The following BRWD3 variants were observed in gnomAD, a reference collection of about 807,000 sequenced individuals.
BRWD3 encodes the protein bromodomain and WD repeat-containing protein 3.
BRWD3 carries 10 observed loss-of-function variants against 149.7 expected under a neutral mutation model. The observed-to-expected ratio is 0.07, with a 90% CI of 0.04 to 0.11. The LOEUF is 0.11. Ranked by LOEUF, BRWD3 falls within the 10% of genes least tolerant of loss-of-function variation. The probability of loss-of-function intolerance (pLI) is 1.00; values close to 1 mark genes in which losing one functional copy is unlikely to be tolerated. For synonymous variants in BRWD3, 504 were observed against 456.7 expected, an observed-to-expected ratio of 1.10 and a Z score of -1.32; for missense variants, 940 against 1,373.2, an observed-to-expected ratio of 0.68 and a Z score of 4.99.
chrX:80,771,281 C>T (rs192767734), intron 6 of BRWD3, among the ~76,000 whole-genome samples: 11 of 111,495 alleles, frequency 9.9e-5, no homozygotes, highest in Middle Eastern at 9.3e-3. Flanking sequence ...AAAAAAGAGC[C>T]CGCAATGCCA....
intron 2 of BRWD3, 69 bp downstream of exon 2, chrX:80,809,177 C>A: frequency 2.6e-6 from 3 of 1,148,214 alleles, no homozygotes; most frequent in East Asian, 6.2e-5. Flanking sequence ...CGGAACTGCT[C>A]GTCCCGCTGC....
intron 4 of BRWD3, among the ~76,000 whole-genome samples, chrX:80,806,855 A>C (rs1461205012): frequency 8.9e-6 from 1 of 112,652 alleles, no homozygotes; most frequent in Non-Finnish European, 1.9e-5. Context: ...CAATATGAGG[A>C]AAAGTCTAGT....
At chrX:80,741,849 A>G (rs1450805927) in intron 8 of BRWD3, among the ~76,000 whole-genome samples, 1 of 111,726 alleles carries the variant, frequency 9.0e-6, no homozygotes, top group East Asian at 2.8e-4. Flanking sequence ...ACTTTCTCCC[A>G]TTCTGTAGGT....
chrX:80,766,256 C>T (rs896006261), intron 6 of BRWD3, among the ~76,000 whole-genome samples: 5 of 111,326 alleles, frequency 4.5e-5, no homozygotes, highest in African/African-American at 1.3e-4. Context: ...GGAACTTACA[C>T]CATCAGCTTT....
Position 80,743,992 on chromosome X carries a change from T to C in BRWD3, c.813+40A>G, listed in dbSNP as rs762533670. On this transcript the variant is annotated intron_variant, in intron 8 of 40. Transcript: ENST00000373275. ...CATGAAATCAGAGAATTCTCACCTT[T>C]TTTACATATGTTCAAGCTAAATTTT... 6 of 1,078,777 alleles carry C rather than the reference T, an allele frequency of 5.6e-6. No individual in the cohort carries two copies. In the South Asian group the frequency reaches 1.1e-4, roughly 20 times the overall value. 88.9% of individuals were successfully genotyped at this position (1,078,777 alleles called of 1,213,427 possible).
intron 39 of BRWD3, among the ~76,000 whole-genome samples, chrX:80,681,787 T>G (rs2072451647): frequency 9.0e-6 from 1 of 111,648 alleles, no homozygotes; most frequent in Non-Finnish European, 1.9e-5. Context: ...ACTAAGAGAC[T>G]TTTCATGTAG....
intron 12 of BRWD3, among the ~76,000 whole-genome samples, chrX:80,732,140 G>A (rs1428141142): frequency 9.0e-6 from 1 of 111,295 alleles, no homozygotes; most frequent in East Asian, 2.8e-4. Context: ...TAAATGAACT[G>A]TGTTTAGACT....
Position 80,671,318 on chromosome X carries a change from G to GTT in BRWD3, c.*5290_*5291insAA, listed in dbSNP as rs2072321421. 8.9e-6 allele frequency: 1 copy of GTT among 111,861 alleles called. No homozygotes were observed. The allele number at this position is 111,861 out of a possible 1,213,427, so 9.2% of individuals were successfully genotyped here. On this transcript the variant is annotated 3_prime_UTR_variant, in exon 41 of 41. Transcript: ENST00000373275. ...AAGTGACCCAAAGAATATTTGCAAT[G>GTT]TCTAAGATGAAAACAAAAAACAAAA...
chrX:80,682,765 A>AATT, intron 37 of BRWD3, 137 bp from the exon 38 acceptor site: 1 of 562,703 alleles, frequency 1.8e-6, no homozygotes. Context: ...CAAATAACTA[A>AATT]AGTAAGATAC....
chrX:80,684,268 GCTTTT>G, intron 36 of BRWD3, 106 bp from the exon 37 acceptor site: 1 of 719,531 alleles, frequency 1.4e-6, no homozygotes, highest in Non-Finnish European at 2.1e-6. Context: ...TAAACACATT[GCTTTT>G]CAATGTGCCA....
chrX:80,764,443 C>A (rs1320844433), intron 6 of BRWD3, among the ~76,000 whole-genome samples: 1 of 109,558 alleles, frequency 9.1e-6, no homozygotes, highest in Admixed American at 9.7e-5. Context: ...GTAGCTGGGA[C>A]TACAGGCACC....
Position 80,673,493 on chromosome X carries a change from G to A in BRWD3, c.*3116C>T, listed in dbSNP as rs2072339299. ...TCTGAGATAAGGTGTGTCAAGTTGG[G>A]GAAAAAACTTTACACACATACAAGT... On this transcript the variant is annotated 3_prime_UTR_variant, in exon 41 of 41. Coordinates refer to ENST00000373275, the MANE Select transcript of BRWD3 (RefSeq NM_153252.5). 9.1e-6 allele frequency: 1 copy of A among 110,475 alleles called. No homozygotes were observed. The highest frequency in any genetic ancestry group is 2.8e-4 in the East Asian group (1 of 3,511). 9.1% of individuals were successfully genotyped at this position (110,475 alleles called of 1,213,427 possible).
chrX:80,763,296 T>C (rs1362731100), intron 6 of BRWD3, among the ~76,000 whole-genome samples: 1 of 111,615 alleles, frequency 9.0e-6, no homozygotes. Context: ...CAAAGGCTGA[T>C]CTCTTTGCTA....
At chrX:80,695,842 T>A in intron 27 of BRWD3, 66 bp downstream of exon 27, 1 of 908,005 alleles carries the variant, frequency 1.1e-6, no homozygotes. Context: ...TTCTGTTAAA[T>A]CACAGTTAAA....
chrX:80,754,965 G>A (rs928834293), intron 6 of BRWD3, among the ~76,000 whole-genome samples: 2 of 111,126 alleles, frequency 1.8e-5, no homozygotes, highest in African/African-American at 6.5e-5. Flanking sequence ...CCGAGATGGC[G>A]CCACTGGACT....
At chrX:80,718,625 C>G (rs1159722587) in intron 18 of BRWD3, among the ~76,000 whole-genome samples, 7 of 111,543 alleles carry the variant, frequency 6.3e-5, no homozygotes, top group Non-Finnish European at 1.1e-4. Context: ...TTCAAGTAAC[C>G]TAAATGAACT....
intron 18 of BRWD3, 57 bp downstream of exon 18, chrX:80,719,432 A>T (rs1855902326): frequency 9.7e-7 from 1 of 1,036,037 alleles, no homozygotes; most frequent in African/African-American, 1.9e-5. Context: ...TTATTTGGTA[A>T]AAGTAAAATA....
At chrX:80,694,274 A>T (rs1001128933) in intron 27 of BRWD3, among the ~76,000 whole-genome samples, 2 of 111,767 alleles carry the variant, frequency 1.8e-5, no homozygotes, top group African/African-American at 6.5e-5. Context: ...TAGATTGCAG[A>T]GGATGTATGG....
chrX:80,691,428 T>G (rs1364999994), intron 30 of BRWD3, among the ~76,000 whole-genome samples: 1 of 111,493 alleles, frequency 9.0e-6, no homozygotes, highest in Non-Finnish European at 1.9e-5. Context: ...ATTTCTGTCT[T>G]TCCTAGATAA....
Sources: gnomAD v4.1 joint callset for allele counts (sites outside exome capture counted in the v4.1 genomes callset) on GRCh38, gnomAD v4.1.1 for gene constraint, MANE v1.5 for transcripts, NCBI Gene and HGNC (gene_info 2026-07-23, HGNC 2026-07-21) for gene names.